The following ORC3 variants were observed in gnomAD, a reference collection of about 807,000 sequenced individuals.
ORC3 encodes the protein homolog of latheo, Drosophila.
In ORC3, 78 loss-of-function variants were observed where a neutral mutation model predicts 100.7. The observed-to-expected ratio is 0.77, with a 90% confidence interval of 0.65 to 0.94. The LOEUF is 0.94. Among genes scored for constraint, ORC3 ranks in the 40% least tolerant of loss-of-function variants. The pLI is 0.00. For synonymous variants in ORC3, 295 were observed against 289.3 expected (o/e 1.02, Z -0.20); for missense variants, 789 against 823.9 (o/e 0.96, Z 0.52).
At chr6:87,662,753 TATATGGA>T (rs980809111) in intron 16 of ORC3, among the ~76,000 whole-genome samples, 8 of 152,230 alleles carry the variant, frequency 5.3e-5, no homozygotes, top group African/African-American at 1.9e-4. Flanking sequence ...TAAAAACTAT[TATATGGA>T]AGAGATGCAG....
At chr6:87,593,174 C>T (rs1777170931) in intron 1 of ORC3, among the ~76,000 whole-genome samples, 1 of 152,102 alleles carries the variant, frequency 6.6e-6, no homozygotes, top group African/African-American at 2.4e-5. Flanking sequence ...AGACTAGGAC[C>T]ACTAACTTGG....
Position 87,634,850 on chromosome 6 carries a change from AAC to A in ORC3, c.1195_1196del (p.Gln399IlefsTer22), listed in dbSNP as rs1364622773. The A allele has an allele frequency of 1.4e-6, 2 of 1,466,762 alleles. No homozygotes were observed. Among genetic ancestry groups the A allele is most frequent in the South Asian group, 2.3e-5 (2 of 87,968 alleles). The allele number at this position is 1,466,762 out of a possible 1,614,324, so 90.9% of individuals were successfully genotyped here. A position where few individuals can be genotyped will look rare whatever the true frequency, so the allele number is the denominator to read the frequency against. On this transcript the variant is annotated frameshift_variant, in exon 12 of 20. Coordinates refer to ENST00000392844, the MANE Select transcript of ORC3 (RefSeq NM_012381.4). LOFTEE classifies it high-confidence loss of function. ...ATATATTCTGTGATTTTTAGGAGGA[AAC>A]ACAATTATTACTAGAAAACCTGCAT... ...LTNERYLKEE[T>X]QLLLENLHVY...
chr6:87,591,943 C>G (rs1017768721), intron 1 of ORC3, among the ~76,000 whole-genome samples: 2 of 152,128 alleles, frequency 1.3e-5, no homozygotes, highest in Non-Finnish European at 2.9e-5. Context: ...GTTGGCCAGG[C>G]GGGTCTCGAA....
intron 11 of ORC3, among the ~76,000 whole-genome samples, chr6:87,632,834 AATTTTT>A (rs1488044261): frequency 1.3e-5 from 2 of 152,194 alleles, no homozygotes; most frequent in Non-Finnish European, 2.9e-5. Context: ...TTCATCTTAA[AATTTTT>A]ATTTTTATCT....
chr6:87,601,735 T>C, intron 2 of ORC3, 49 bp from the exon 3 acceptor site: 1 of 1,074,668 alleles, frequency 9.3e-7, no homozygotes, highest in South Asian at 1.3e-5. Context: ...ATCTATAACT[T>C]ATACTATTAT....
chr6:87,643,986 TA>T (rs1671759490), intron 13 of ORC3, among the ~76,000 whole-genome samples: 6 of 151,278 alleles, frequency 4.0e-5, no homozygotes, highest in Non-Finnish European at 7.4e-5. Context: ...ACGTGTTCTA[TA>T]CGGTCTCTTC....
chr6:87,599,357 AT>A (rs1777712093), intron 2 of ORC3, among the ~76,000 whole-genome samples: 3 of 145,164 alleles, frequency 2.1e-5, no homozygotes, highest in Non-Finnish European at 3.0e-5. Flanking sequence ...TTTTTTTATT[AT>A]TTATTTATTT....
In ORC3 at chr6:87,620,634, T is replaced by A. The variant is rs1583059763; in HGVS notation, c.988-720T>A. 2.6e-5 allele frequency among the ~76,000 whole-genome samples: 4 copies of A among 152,232 alleles called. No homozygotes were observed. The East Asian group carries it at 7.7e-4, about 29-fold the overall frequency. On this transcript the variant is annotated intron_variant, in intron 9 of 19. Transcript: ENST00000392844. ...CCAAACTGGTCAAGCAAAGTTTGCTTAGAATCAACATAATGAACATTTGCA... is the reference window on the plus strand; with the variant it reads ...CCAAACTGGTCAAGCAAAGTTTGCTAAGAATCAACATAATGAACATTTGCA...
chr6:87,616,617 G>A (rs2128259626), intron 9 of ORC3, among the ~76,000 whole-genome samples, 190 bp downstream of exon 9: 1 of 152,216 alleles, frequency 6.6e-6, no homozygotes, highest in East Asian at 1.9e-4. Context: ...GCACTCATTA[G>A]GATATCAATA....
In ORC3 at chr6:87,601,878, T is replaced by C. The variant is rs779241848; in HGVS notation, c.174T>C (p.Asn58=). ...TATGGCAGCAGATGAAATCTGAAAATGAGGTGAATACTTTTTTTAATAATT... is the reference window on the plus strand; with the variant it reads ...TATGGCAGCAGATGAAATCTGAAAACGAGGTGAATACTTTTTTTAATAATT... ...QLIWQQMKSE[N]ERLQEELNKN... The change falls in exon 3 of 20, where the codon AAT becomes AAC. Residue 58 remains asparagine (N), a synonymous_variant. Transcript: ENST00000392844. 1.9e-6 allele frequency: 3 copies of C among 1,571,788 alleles called. No individual in the cohort carries two copies. The highest frequency in any genetic ancestry group is 1.3e-5 in the African/African-American group (1 of 74,124).
At chr6:87,665,881 TAA>T (rs1221543586) in intron 19 of ORC3, 48 bp downstream of exon 19, 3 of 1,146,188 alleles carry the variant, frequency 2.6e-6, no homozygotes, top group African/African-American at 1.5e-5. Context: ...ACATAAAATA[TAA>T]GTTTATAATT....
At chr6:87,601,611 G>A (rs1331572766) in intron 2 of ORC3, among the ~76,000 whole-genome samples, 173 bp from the exon 3 acceptor site, 1 of 151,790 alleles carries the variant, frequency 6.6e-6, no homozygotes, top group Non-Finnish European at 1.5e-5. Flanking sequence ...GGCGGAGATC[G>A]CACTGAGCCA....
At chr6:87,658,618 G>A (rs1280901145) in intron 16 of ORC3, among the ~76,000 whole-genome samples, 1 of 152,076 alleles carries the variant, frequency 6.6e-6, no homozygotes, top group Non-Finnish European at 1.5e-5. Context: ...GAAAGTGAAT[G>A]TTTCTCTTTC....
At chr6:87,654,620 A>C (rs1339337036) in intron 14 of ORC3, among the ~76,000 whole-genome samples, 1 of 152,238 alleles carries the variant, frequency 6.6e-6, no homozygotes, top group East Asian at 1.9e-4. Flanking sequence ...CTAATTCACG[A>C]TATAAATACG....
chr6:87,672,433 T>C (rs1341783968), downstream of ORC3, among the ~76,000 whole-genome samples: 2 of 152,126 alleles, frequency 1.3e-5, no homozygotes, highest in Non-Finnish European at 2.9e-5. Context: ...GCCTGAGACA[T>C]AGGTTTGCAT....
intron 18 of ORC3, among the ~76,000 whole-genome samples, chr6:87,665,409 A>G (rs1055686984): frequency 2.6e-5 from 4 of 152,220 alleles, no homozygotes; most frequent in Non-Finnish European, 4.4e-5. Context: ...ATGTCTTGTC[A>G]CCATTAAAAA....
At chr6:87,656,831 G>C in intron 14 of ORC3, 75 bp from the exon 15 acceptor site, 3 of 895,856 alleles carry the variant, frequency 3.3e-6, no homozygotes, top group Non-Finnish European at 1.8e-6. Context: ...CTTTTACTTT[G>C]GAGTAGTAGA....
At chr6:87,594,442 A>G in intron 2 of ORC3, 35 bp downstream of exon 2, 1 of 1,519,080 alleles carries the variant, frequency 6.6e-7, no homozygotes, top group Admixed American at 1.8e-5. Flanking sequence ...TTTATTCCCT[A>G]CCTTCTTAAA....
At chr6:87,636,748 C>A (rs1029713188) in intron 13 of ORC3, among the ~76,000 whole-genome samples, 1 of 152,206 alleles carries the variant, frequency 6.6e-6, no homozygotes, top group East Asian at 1.9e-4. Context: ...CAAATACTGA[C>A]ACTACCCTAA....
Sources: allele counts gnomAD v4.1 joint callset (sites outside exome capture counted in the v4.1 genomes callset), GRCh38; gene constraint gnomAD v4.1.1; transcripts MANE v1.5; gene names NCBI Gene and HGNC (gene_info 2026-07-23, HGNC 2026-07-21).